Variants in SSBP2 observed in about 807,000 individuals in gnomAD.
The protein encoded by SSBP2 is single stranded DNA binding protein 2.
SSBP2 carries 17 observed loss-of-function variants against 61.8 expected under a neutral mutation model. That is an observed-to-expected ratio of 0.28 (90% confidence interval 0.19 to 0.41). The LOEUF (loss-of-function observed/expected upper bound fraction) is 0.41, where lower values mean the gene tolerates loss of function less well. SSBP2 is among the 10% of genes least tolerant of loss of function. The probability of loss-of-function intolerance (pLI) is 1.00; values close to 1 mark genes in which losing one functional copy is unlikely to be tolerated. For missense variants in SSBP2, 310 were observed against 458.7 expected (o/e 0.68, Z 2.96); for synonymous variants, 139 against 141.3 (o/e 0.98, Z 0.12).
chr5:81,461,422 C>T (rs1451276415), intron 9 of SSBP2, among the ~76,000 whole-genome samples: 2 of 152,000 alleles, frequency 1.3e-5, no homozygotes, highest in Non-Finnish European at 2.9e-5. Context: ...AAACACACTT[C>T]TGTAGTGAAA....
intron 5 of SSBP2, among the ~76,000 whole-genome samples, chr5:81,506,162 TATC>T (rs1768166108): frequency 6.6e-6 from 1 of 152,182 alleles, no homozygotes. Flanking sequence ...TAGTTGCTTT[TATC>T]TTTATAACAG....
intron 4 of SSBP2, among the ~76,000 whole-genome samples, chr5:81,514,403 G>C (rs542013605): frequency 6.6e-6 from 1 of 152,056 alleles, no homozygotes; most frequent in Admixed American, 6.6e-5. Context: ...TGGAATCCTG[G>C]TATTTCATAA....
intron 9 of SSBP2, among the ~76,000 whole-genome samples, chr5:81,464,309 A>T (rs1042712309): frequency 3.3e-5 from 5 of 152,162 alleles, no homozygotes; most frequent in African/African-American, 1.2e-4. Context: ...TGATTATTCA[A>T]ATTTCCTTTA....
chr5:81,488,663 A>AT (rs1766617837), intron 6 of SSBP2, among the ~76,000 whole-genome samples: 1 of 149,210 alleles, frequency 6.7e-6, no homozygotes, highest in Non-Finnish European at 1.5e-5. Context: ...TTAACTCATC[A>AT]TTTAGCATTA....
intron 2 of SSBP2, among the ~76,000 whole-genome samples, chr5:81,645,664 T>C (rs1463559787): frequency 2.0e-5 from 3 of 152,196 alleles, no homozygotes; most frequent in African/African-American, 4.8e-5. Flanking sequence ...AAAGTTAATG[T>C]AGAATTGGAA....
intron 5 of SSBP2, among the ~76,000 whole-genome samples, chr5:81,492,331 C>T (rs1766917295): frequency 6.6e-6 from 1 of 151,968 alleles, no homozygotes; most frequent in Non-Finnish European, 1.5e-5. Context: ...GACGAAACCC[C>T]ATCTCTACTA....
intron 4 of SSBP2, among the ~76,000 whole-genome samples, chr5:81,519,122 T>C (rs976660059): frequency 2.6e-5 from 4 of 152,286 alleles, no homozygotes; most frequent in Middle Eastern, 3.4e-3. Flanking sequence ...TCAAAAGGAA[T>C]TGATGGCAAA....
intron 4 of SSBP2, among the ~76,000 whole-genome samples, chr5:81,579,360 G>C (rs1774472385): frequency 6.6e-6 from 1 of 151,972 alleles, no homozygotes; most frequent in Non-Finnish European, 1.5e-5. Flanking sequence ...GAGAAGAAAG[G>C]CTAAAGCTTG....
chr5:81,751,137 A>G (rs1757742940), upstream of SSBP2: 4 of 1,328,200 alleles, frequency 3.0e-6, no homozygotes, highest in Admixed American at 2.0e-5. Context: ...CCACGCAGCC[A>G]CCCCCACTAT....
At chr5:81,444,249 A>G (rs1763226115) in intron 12 of SSBP2, among the ~76,000 whole-genome samples, 1 of 151,938 alleles carries the variant, frequency 6.6e-6, no homozygotes, top group Non-Finnish European at 1.5e-5. Flanking sequence ...TGTATGCTAT[A>G]CTCCTGTCAA....
At chr5:81,477,719 C>A (rs1270165289) in intron 6 of SSBP2, among the ~76,000 whole-genome samples, 1 of 149,476 alleles carries the variant, frequency 6.7e-6, no homozygotes. Context: ...TTAAATACTA[C>A]CATGACTTGT....
chr5:81,643,261 A>G (rs193000163), intron 2 of SSBP2, among the ~76,000 whole-genome samples: 145 of 152,300 alleles, frequency 9.5e-4, no homozygotes, highest in African/African-American at 3.2e-3. Context: ...CCACTTCCAC[A>G]GCATCTCCAA....
intron 1 of SSBP2, among the ~76,000 whole-genome samples, chr5:81,732,057 T>C (rs2153993900): frequency 6.6e-6 from 1 of 152,190 alleles, no homozygotes; most frequent in Non-Finnish European, 1.5e-5. Context: ...TCCACCTATG[T>C]TAATTAGAAG....
At chr5:81,710,363 A>C (rs1215139651) in intron 1 of SSBP2, among the ~76,000 whole-genome samples, 1 of 152,080 alleles carries the variant, frequency 6.6e-6, no homozygotes. Context: ...TTACCTTCCA[A>C]ATGAATCCCA....
At position 81,412,954 on chromosome 5, in the gene SSBP2, C is replaced by T. The variant is rs1396689403; in HGVS notation, c.*7550G>A. ...GCCTCTTCTTCCATGCATATAGATCCTTTGATATTAGAACCTCCTGAATTT... is the reference window on the plus strand; with the variant it reads ...GCCTCTTCTTCCATGCATATAGATCTTTTGATATTAGAACCTCCTGAATTT... On this transcript the variant is annotated 3_prime_UTR_variant, in exon 17 of 17. Transcript: ENST00000320672. 6.6e-6 allele frequency: 1 copy of T among 152,122 alleles called. No individual in the cohort carries two copies. Among genetic ancestry groups the T allele is most frequent in the Non-Finnish European group, 1.5e-5 (1 of 68,014 alleles). 9.4% of individuals were successfully genotyped at this position (152,122 alleles called of 1,614,324 possible). A position where few individuals can be genotyped will look rare whatever the true frequency, so the allele number is the denominator to read the frequency against.
chr5:81,545,275 G>T (rs1771643146), intron 4 of SSBP2, among the ~76,000 whole-genome samples: 1 of 152,096 alleles, frequency 6.6e-6, no homozygotes, highest in African/African-American at 2.4e-5. Context: ...TGGGCATCTT[G>T]AATTTTATCT....
At chr5:81,493,566 C>T (rs1281343370) in intron 5 of SSBP2, among the ~76,000 whole-genome samples, 1 of 152,046 alleles carries the variant, frequency 6.6e-6, no homozygotes, top group Admixed American at 6.6e-5. Flanking sequence ...CCATCCTGGC[C>T]AACATAGTGA....
At chr5:81,644,613 T>C (rs1293914454) in intron 2 of SSBP2, among the ~76,000 whole-genome samples, 1 of 152,192 alleles carries the variant, frequency 6.6e-6, no homozygotes, top group Non-Finnish European at 1.5e-5. Context: ...TCTTTTTGGC[T>C]ATCCCTCAAC....
At chr5:81,573,833 A>G (rs1344088262) in intron 4 of SSBP2, among the ~76,000 whole-genome samples, 3 of 152,186 alleles carry the variant, frequency 2.0e-5, no homozygotes, top group Non-Finnish European at 2.9e-5. Flanking sequence ...GAGATATAAG[A>G]GCTGAGCTTA....
Sources: gnomAD v4.1 joint callset for allele counts (sites outside exome capture counted in the v4.1 genomes callset) on GRCh38, gnomAD v4.1.1 for gene constraint, MANE v1.5 for transcripts, NCBI Gene and HGNC (gene_info 2026-07-23, HGNC 2026-07-21) for gene names.